Variants in AKAP6 observed in about 807,000 individuals in gnomAD.
The protein encoded by AKAP6 is A-kinase anchoring protein 6, also known as A-kinase anchor protein 6.
Under a neutral mutation model 188.5 loss-of-function variants are expected in AKAP6, and 58 were observed. That is an observed-to-expected ratio of 0.31 (90% confidence interval 0.25 to 0.38). The LOEUF is 0.38. Ranked by LOEUF, AKAP6 falls within the 10% of genes least tolerant of loss-of-function variation. The pLI, the probability that AKAP6 is intolerant of heterozygous loss-of-function variation, is 1.00. For synonymous variants in AKAP6, 989 were observed against 998.6 expected, an observed-to-expected ratio of 0.99 and a Z score of 0.18; for missense variants, 2,710 against 2,740.0, an observed-to-expected ratio of 0.99 and a Z score of 0.24.
rs1594729209 is a variant in AKAP6, at chr14:32,545,361, G to T, written c.708G>T (p.Leu236Phe). 4 of 1,614,074 alleles carry T rather than the reference G, an allele frequency of 2.5e-6. No individual in the cohort carries two copies. Among genetic ancestry groups the T allele is most frequent in the South Asian group, 2.2e-5 (2 of 91,090 alleles). Residue 236 changes from leucine (L) to phenylalanine (F), a missense_variant, in exon 4 of 14, where the codon TTG (leucine) becomes TTT (phenylalanine). Physicochemically the swap from Leu to Phe is conservative, Grantham distance 22. Coordinates refer to ENST00000280979, the MANE Select transcript of AKAP6 (RefSeq NM_004274.5). ...CTGACTACAGTCCAAGTGAGGATTT[G>T]CTCAGTGGGCTAGGTGACATGACCT... ...ELSDYSPSED[L>F]LSGLGDMTSS...
intron 5 of AKAP6, among the ~76,000 whole-genome samples, chr14:32,588,279 G>A (rs1370084815): frequency 1.3e-5 from 2 of 152,138 alleles, no homozygotes; most frequent in Non-Finnish European, 2.9e-5. Context: ...GCACATTTTA[G>A]CAGCTCCTTA....
At chr14:32,397,447 A>G (rs572776556) in intron 1 of AKAP6, among the ~76,000 whole-genome samples, 26 of 146,210 alleles carry the variant, frequency 1.8e-4, no homozygotes, top group South Asian at 4.3e-4. Context: ...GCGTGATCTC[A>G]GCTCACTGCA....
chr14:32,789,847 G>A (rs529912288), intron 12 of AKAP6, among the ~76,000 whole-genome samples: 41 of 152,288 alleles, frequency 2.7e-4, no homozygotes, highest in Non-Finnish European at 3.8e-4. Context: ...TCCAGCAAGG[G>A]CACAGAACTG....
intron 12 of AKAP6, among the ~76,000 whole-genome samples, chr14:32,800,589 A>G (rs549205178): frequency 6.6e-6 from 1 of 152,240 alleles, no homozygotes; most frequent in South Asian, 2.1e-4. Context: ...ATTGTCCCCG[A>G]TAATTTTCCT....
chr14:32,683,673 G>A (rs1035180639), intron 8 of AKAP6, among the ~76,000 whole-genome samples: 4 of 152,170 alleles, frequency 2.6e-5, no homozygotes, highest in African/African-American at 9.7e-5. Flanking sequence ...ATGGAGGATG[G>A]CCCAGGGTCA....
At chr14:32,430,000 A>G (rs894462906) in intron 1 of AKAP6, among the ~76,000 whole-genome samples, 21 of 152,208 alleles carry the variant, frequency 1.4e-4, no homozygotes, top group African/African-American at 4.8e-4. Flanking sequence ...AGAATCTCCC[A>G]TGTTTGTTCC....
chr14:32,578,435 C>A (rs997122347), intron 5 of AKAP6, among the ~76,000 whole-genome samples: 4 of 152,030 alleles, frequency 2.6e-5, no homozygotes, highest in African/African-American at 9.7e-5. Flanking sequence ...ATGCAAGTGA[C>A]CCTAACCACC....
intron 11 of AKAP6, among the ~76,000 whole-genome samples, chr14:32,739,550 C>T (rs1337424880): frequency 1.3e-5 from 2 of 151,948 alleles, no homozygotes; most frequent in African/African-American, 4.8e-5. Context: ...GTAACCATCC[C>T]CCCTACTCTC....
intron 9 of AKAP6, among the ~76,000 whole-genome samples, chr14:32,703,774 C>A (rs576707380): frequency 1.5e-4 from 23 of 152,300 alleles, no homozygotes; most frequent in African/African-American, 5.3e-4. Flanking sequence ...AATAAATGCT[C>A]CTATATTTAC....
Position 32,527,186 on chromosome 14 carries a change from G to A in AKAP6, c.325-8368G>A, listed in dbSNP as rs559742766. Reference sequence around the variant, plus strand: ...TCCGGAATGTCATATAAATGGAATAGTACGGTTTGTAGCCTTTTCAGATTG... The same window carrying A: ...TCCGGAATGTCATATAAATGGAATAATACGGTTTGTAGCCTTTTCAGATTG... On this transcript the variant is annotated intron_variant, in intron 2 of 13. Transcript: ENST00000280979. 1.0e-3 allele frequency among the ~76,000 whole-genome samples: 157 copies of A among 152,324 alleles called. 1 individual carries two copies. Among genetic ancestry groups the A allele is most frequent in the African/African-American group, 3.1e-3 (128 of 41,570 alleles).
At chr14:32,456,702 G>T (rs577088650) in intron 2 of AKAP6, among the ~76,000 whole-genome samples, 78 of 152,116 alleles carry the variant, frequency 5.1e-4, no homozygotes, top group Non-Finnish European at 7.8e-4. Context: ...TCTGTGGTTG[G>T]CAGGTAGGAC....
chr14:32,447,257 CTAG>C (rs1204136746), intron 2 of AKAP6, among the ~76,000 whole-genome samples: 1 of 152,124 alleles, frequency 6.6e-6, no homozygotes, highest in East Asian at 1.9e-4. Flanking sequence ...ATGTTGTTTT[CTAG>C]TTTCCTCAAA....
At chr14:32,451,251 C>T (rs1057482152) in intron 2 of AKAP6, among the ~76,000 whole-genome samples, 13 of 152,098 alleles carry the variant, frequency 8.5e-5, no homozygotes, top group African/African-American at 3.1e-4. Context: ...AAGAAGAAAA[C>T]ATGAGCTTCC....
intron 7 of AKAP6, among the ~76,000 whole-genome samples, chr14:32,645,359 C>T (rs1887943745): frequency 6.6e-6 from 1 of 152,194 alleles, no homozygotes; most frequent in African/African-American, 2.4e-5. Context: ...ATTTTCCCAT[C>T]ATTGCTGATT....
At chr14:32,663,645 G>C (rs1195859504) in intron 7 of AKAP6, among the ~76,000 whole-genome samples, 2 of 152,214 alleles carry the variant, frequency 1.3e-5, no homozygotes, top group Non-Finnish European at 2.9e-5. Flanking sequence ...GAAGGAGCTA[G>C]GTTCATTCAA....
intron 11 of AKAP6, among the ~76,000 whole-genome samples, chr14:32,764,667 C>T (rs1338593615): frequency 6.6e-6 from 1 of 150,578 alleles, no homozygotes; most frequent in African/African-American, 2.5e-5. Flanking sequence ...TCCATTTCCT[C>T]GTTTGTCAAA....
intron 1 of AKAP6, chr14:32,418,072 G>C (rs950570041): frequency 6.6e-6 from 1 of 152,120 alleles, no homozygotes; most frequent in African/African-American, 2.4e-5. Context: ...TTTGCGTTTG[G>C]CTGCAAATGA....
chr14:32,654,244 C>T (rs1049695337), intron 7 of AKAP6, among the ~76,000 whole-genome samples: 1 of 152,082 alleles, frequency 6.6e-6, no homozygotes, highest in African/African-American at 2.4e-5. Flanking sequence ...CCATTACAAA[C>T]TCTAGTTTCA....
intron 4 of AKAP6, among the ~76,000 whole-genome samples, chr14:32,576,544 G>A (rs571384812): frequency 2.8e-4 from 43 of 152,174 alleles, no homozygotes; most frequent in African/African-American, 9.4e-4. Context: ...CACTTTCTAC[G>A]CTTCCTTCCT....
Sources: allele counts gnomAD v4.1 joint callset (sites outside exome capture counted in the v4.1 genomes callset), GRCh38; gene constraint gnomAD v4.1.1; transcripts MANE v1.5; gene names NCBI Gene and HGNC (gene_info 2026-07-23, HGNC 2026-07-21).